The following ADCY8 variants were observed in gnomAD, a reference collection of about 807,000 sequenced individuals.
The protein encoded by ADCY8 is adenylate cyclase 8, also known as adenylate cyclase type 8.
ADCY8 carries 51 observed loss-of-function variants against 119.7 expected under a neutral mutation model. The observed-to-expected ratio is 0.43, with a 90% CI of 0.34 to 0.54. The LOEUF is 0.54. ADCY8 is among the 20% of genes least tolerant of loss of function. The probability of loss-of-function intolerance (pLI) is 0.03; values close to 1 mark genes in which losing one functional copy is unlikely to be tolerated. For synonymous variants in ADCY8, 665 were observed against 651.0 expected (o/e 1.02, Z -0.33); for missense variants, 1,383 against 1,598.8 (o/e 0.87, Z 2.30).
At position 130,888,655 on chromosome 8, in the gene ADCY8, G is replaced by A. The variant is rs535815049; in HGVS notation, c.1912-3894C>T. Among the ~76,000 whole-genome samples, 190 of 152,242 alleles carry A rather than the reference G, an allele frequency of 1.2e-3. 1 individual carries two copies. Among genetic ancestry groups the A allele is most frequent in the Middle Eastern group, 3.4e-3 (1 of 294 alleles). On this transcript the variant is annotated intron_variant, in intron 7 of 17. Coordinates refer to ENST00000286355, the MANE Select transcript of ADCY8 (RefSeq NM_001115.3). ...ACTGAGTCTCTGATGATAGGATCTT[G>A]CTTGACAGTTTGGGGGTTCTGGTGA...
At chr8:130,964,306 C>G (rs553803919) in intron 2 of ADCY8, among the ~76,000 whole-genome samples, 10 of 152,190 alleles carry the variant, frequency 6.6e-5, no homozygotes, top group Non-Finnish European at 1.3e-4. Flanking sequence ...GTGAAAGGTT[C>G]CCAGATGGTA....
At chr8:130,945,969 A>G (rs556442467) in intron 3 of ADCY8, among the ~76,000 whole-genome samples, 21 of 152,302 alleles carry the variant, frequency 1.4e-4, no homozygotes, top group Non-Finnish European at 7.4e-5. Flanking sequence ...TTGAACCAGG[A>G]AGCCTGGCTC....
At chr8:130,879,431 A>G (rs902560421) in intron 8 of ADCY8, among the ~76,000 whole-genome samples, 2 of 152,232 alleles carry the variant, frequency 1.3e-5, no homozygotes, top group Admixed American at 1.3e-4. Context: ...CTTCTACTGC[A>G]ATAATAATTT....
intron 12 of ADCY8, among the ~76,000 whole-genome samples, chr8:130,822,551 C>A (rs78931794): frequency 2.5e-4 from 30 of 118,914 alleles, no homozygotes; most frequent in South Asian, 5.2e-4. Flanking sequence ...TCCATCCATC[C>A]ATCCATCCAT....
At chr8:130,897,768 C>T (rs1001908819) in intron 7 of ADCY8, among the ~76,000 whole-genome samples, 2 of 12,520 alleles carry the variant, frequency 1.6e-4, no homozygotes, top group East Asian at 2.6e-3. Flanking sequence ...ACCACACATA[C>T]ATCCATATAT....
intron 12 of ADCY8, 27 bp downstream of exon 12, chr8:130,836,249 CT>C (rs766779752): frequency 1.3e-6 from 2 of 1,594,384 alleles, no homozygotes; most frequent in African/African-American, 1.3e-5. Context: ...GTTGAGCACA[CT>C]TTGGACTCAC....
At chr8:130,961,118 T>A (rs773993139) in intron 2 of ADCY8, among the ~76,000 whole-genome samples, 4 of 152,090 alleles carry the variant, frequency 2.6e-5, no homozygotes, top group Admixed American at 6.5e-5. Flanking sequence ...TCTTTCTTAT[T>A]TATTTTTTTG....
At chr8:130,874,321 A>G (rs951651968) in intron 8 of ADCY8, among the ~76,000 whole-genome samples, 1 of 51,882 alleles carries the variant, frequency 1.9e-5, no homozygotes, top group African/African-American at 5.7e-5. Context: ...AAATAAATAA[A>G]TAAATAAATA....
chr8:130,841,721 C>T (rs538971089), intron 11 of ADCY8, among the ~76,000 whole-genome samples: 5 of 152,232 alleles, frequency 3.3e-5, no homozygotes, highest in Non-Finnish European at 7.4e-5. Flanking sequence ...CTGGTTGCTG[C>T]CAAAATCCCA....
intron 7 of ADCY8, among the ~76,000 whole-genome samples, chr8:130,898,183 C>T (rs1306059104): frequency 2.6e-5 from 4 of 152,272 alleles, no homozygotes; most frequent in Middle Eastern, 3.4e-3. Flanking sequence ...GCTATGTGTC[C>T]TTCAGGGAAT....
At chr8:131,001,972 A>T (rs1388865891) in intron 1 of ADCY8, among the ~76,000 whole-genome samples, 1 of 152,114 alleles carries the variant, frequency 6.6e-6, no homozygotes, top group Non-Finnish European at 1.5e-5. Context: ...CTCCAGGGGG[A>T]CTGTAGGAAG....
At chr8:130,856,394 T>C (rs1266377838) in intron 9 of ADCY8, among the ~76,000 whole-genome samples, 1 of 152,076 alleles carries the variant, frequency 6.6e-6, no homozygotes, top group Non-Finnish European at 1.5e-5. Context: ...TGTTAACACC[T>C]TGAGCTCTAG....
rs926711426 is a variant in ADCY8, at chr8:131,039,715, G to C, written c.619C>G (p.Pro207Ala). 8.1e-6 allele frequency: 13 copies of C among 1,614,130 alleles called. No homozygotes were observed. Among genetic ancestry groups the C allele is most frequent in the Non-Finnish European group, 1.1e-5 (13 of 1,180,030 alleles). ...LVLHLSLASA[P>A]MDPLKGILLG... is the part of the protein sequence containing the mutation. ...AGGATGCCCTTGAGCGGGTCCATGG[G>C]GGCCGAGGCCAGGCTCAAGTGTAGG... Residue 207 changes from proline (P) to alanine (A), a missense_variant, in exon 1 of 18, where the codon CCC becomes GCC. Pro to Ala is a conservative substitution (Grantham distance 27). Transcript: ENST00000286355.
In ADCY8 at chr8:131,040,886, C is replaced by T. The variant is rs768338921; in HGVS notation, c.-553G>A. On this transcript the variant is annotated 5_prime_UTR_variant, in exon 1 of 18. Coordinates refer to ENST00000286355, the MANE Select transcript of ADCY8 (RefSeq NM_001115.3). Reference sequence around the variant, plus strand: ...AGATGTGGCTGGAATCATCGCCCTTCGGAGAACTCCATTGCGCCGGGATGG... The same window carrying T: ...AGATGTGGCTGGAATCATCGCCCTTTGGAGAACTCCATTGCGCCGGGATGG... The T allele has an allele frequency of 6.6e-6, 1 of 152,174 alleles. No homozygotes were observed. The highest frequency in any genetic ancestry group is 1.5e-5 in the Non-Finnish European group (1 of 68,086). 9.4% of individuals were successfully genotyped at this position (152,174 alleles called of 1,614,324 possible). A position where few individuals can be genotyped will look rare whatever the true frequency, so the allele number is the denominator to read the frequency against.
chr8:130,812,520 T>G (rs572331301), intron 14 of ADCY8, among the ~76,000 whole-genome samples: 3 of 152,304 alleles, frequency 2.0e-5, no homozygotes, highest in African/African-American at 7.2e-5. Context: ...ACACTTGTCC[T>G]TTTAAGAAGG....
intron 11 of ADCY8, among the ~76,000 whole-genome samples, chr8:130,843,271 T>A (rs993668066): frequency 6.6e-6 from 1 of 152,194 alleles, no homozygotes; most frequent in African/African-American, 2.4e-5. Context: ...CAAAAATTAT[T>A]CTCAGCTCTG....
intron 15 of ADCY8, among the ~76,000 whole-genome samples, chr8:130,794,542 C>G (rs1815521452): frequency 6.6e-6 from 1 of 152,222 alleles, no homozygotes; most frequent in Admixed American, 6.5e-5. Context: ...GACGGCCAGC[C>G]TCTGTTGTTT....
At chr8:130,807,933 G>A (rs1277569120) in intron 14 of ADCY8, among the ~76,000 whole-genome samples, 11 of 116,660 alleles carry the variant, frequency 9.4e-5, no homozygotes, top group African/African-American at 1.5e-4. Context: ...GCAGTGAGCC[G>A]AGATCCCGCC....
intron 5 of ADCY8, among the ~76,000 whole-genome samples, chr8:130,922,660 T>TC (rs1431842737): frequency 6.6e-6 from 1 of 151,740 alleles, no homozygotes; most frequent in Admixed American, 6.6e-5. Flanking sequence ...TTCCCCACCT[T>TC]CCCCCCTTTC....
Sources: allele counts gnomAD v4.1 joint callset (sites outside exome capture counted in the v4.1 genomes callset), GRCh38; gene constraint gnomAD v4.1.1; transcripts MANE v1.5; gene names NCBI Gene and HGNC (gene_info 2026-07-23, HGNC 2026-07-21).